DPYD: variants seen among roughly 807,000 people sequenced by gnomAD.
DPYD encodes dihydropyrimidine dehydrogenase.
DPYD carries 109 observed loss-of-function variants against 116.2 expected under a neutral mutation model. That is an observed-to-expected ratio of 0.94 (90% CI 0.80 to 1.10). DPYD has a LOEUF of 1.10. Among genes scored for constraint, DPYD ranks in the 50% least tolerant of loss-of-function variants. The probability of loss-of-function intolerance (pLI) is 0.00; values close to 1 mark genes in which losing one functional copy is unlikely to be tolerated. For synonymous variants in DPYD, 440 were observed against 432.0 expected, an observed-to-expected ratio of 1.02 and a Z score of -0.23; for missense variants, 1,302 against 1,254.5, an observed-to-expected ratio of 1.04 and a Z score of -0.57.
At chr1:97,891,609 G>A (rs946196609) in intron 1 of DPYD, among the ~76,000 whole-genome samples, 1 of 151,838 alleles carries the variant, frequency 6.6e-6, no homozygotes, top group Non-Finnish European at 1.5e-5. Context: ...TACATCTAAA[G>A]AGAGTTTTTC....
chr1:97,807,146 C>A (rs957035490), intron 3 of DPYD, among the ~76,000 whole-genome samples: 1 of 152,020 alleles, frequency 6.6e-6, no homozygotes, highest in Admixed American at 6.6e-5. Flanking sequence ...TTTGTGTGGA[C>A]ATAAGTTTTC....
chr1:97,529,097 C>T (rs1239865682), intron 12 of DPYD, among the ~76,000 whole-genome samples: 2 of 152,100 alleles, frequency 1.3e-5, no homozygotes, highest in Non-Finnish European at 2.9e-5. Context: ...GCTATTTTCT[C>T]TTTCTGATGT....
At position 97,189,568 on chromosome 1, in the gene DPYD, T is replaced by A. The variant is rs142566698; in HGVS notation, c.2622+3501A>T. Among the ~76,000 whole-genome samples, 276 of 152,312 alleles carry A rather than the reference T, an allele frequency of 1.8e-3. 2 individuals carry two copies. The highest frequency in any genetic ancestry group is 6.0e-3 in the African/African-American group (249 of 41,592). On this transcript the variant is annotated intron_variant, in intron 20 of 22. Transcript: ENST00000370192. ...ATGTCAACATAACTCTTATTTCCCA[T>A]AATTAAAAGTGCCAAATAGTAATGT...
At chr1:97,488,867 T>C (rs1418118586) in intron 13 of DPYD, among the ~76,000 whole-genome samples, 3 of 152,212 alleles carry the variant, frequency 2.0e-5, no homozygotes. Flanking sequence ...AAAGTGGGTA[T>C]AAATATGACT....
chr1:97,551,642 C>A (rs1651329258), intron 11 of DPYD, among the ~76,000 whole-genome samples: 1 of 151,962 alleles, frequency 6.6e-6, no homozygotes, highest in Non-Finnish European at 1.5e-5. Flanking sequence ...CAGCAATATC[C>A]TTGAAATTTA....
chr1:97,414,856 C>T (rs1037035238), intron 14 of DPYD, among the ~76,000 whole-genome samples: 4 of 152,232 alleles, frequency 2.6e-5, no homozygotes, highest in Non-Finnish European at 4.4e-5. Flanking sequence ...GCAGGGCCAG[C>T]TTCTTCCATC....
intron 14 of DPYD, among the ~76,000 whole-genome samples, chr1:97,437,681 GT>G (rs1675544716): frequency 6.6e-6 from 1 of 151,864 alleles, no homozygotes; most frequent in Non-Finnish European, 1.5e-5. Context: ...CTTTCAGTCT[GT>G]CATCTGTATT....
At chr1:97,153,436 G>T (rs923243409) in intron 20 of DPYD, among the ~76,000 whole-genome samples, 1 of 151,972 alleles carries the variant, frequency 6.6e-6, no homozygotes, top group Non-Finnish European at 1.5e-5. Context: ...TGGGATAATT[G>T]GCAAGCCACA....
chr1:97,150,859 T>A (rs903330035), intron 20 of DPYD, among the ~76,000 whole-genome samples: 1 of 152,226 alleles, frequency 6.6e-6, no homozygotes, highest in Non-Finnish European at 1.5e-5. Context: ...ATAGAATATA[T>A]TGCATCTTCC....
chr1:97,088,492 T>C (rs1557855767), intron 21 of DPYD, among the ~76,000 whole-genome samples: 1 of 152,324 alleles, frequency 6.6e-6, no homozygotes, highest in South Asian at 2.1e-4. Context: ...GATTTCCATC[T>C]GAAGTTTGCA....
intron 18 of DPYD, among the ~76,000 whole-genome samples, chr1:97,288,976 T>C (rs1330066717): frequency 6.6e-6 from 1 of 151,930 alleles, no homozygotes; most frequent in African/African-American, 2.4e-5. Context: ...AAGAATCAAA[T>C]AGATGCAATA....
intron 8 of DPYD, among the ~76,000 whole-genome samples, chr1:97,605,755 G>C (rs746812106): frequency 6.6e-6 from 1 of 152,012 alleles, no homozygotes; most frequent in Non-Finnish European, 1.5e-5. Context: ...TATCTCAATA[G>C]TATGATAATT....
chr1:97,580,538 A>G (rs1285949122), intron 10 of DPYD, among the ~76,000 whole-genome samples: 2 of 152,242 alleles, frequency 1.3e-5, no homozygotes, highest in Non-Finnish European at 2.9e-5. Flanking sequence ...AAAATCTCAT[A>G]GAAGCAGAAA....
chr1:97,179,814 A>G (rs1570614581), intron 20 of DPYD, among the ~76,000 whole-genome samples: 1 of 152,142 alleles, frequency 6.6e-6, no homozygotes, highest in Non-Finnish European at 1.5e-5. Context: ...GCTACCAATA[A>G]CATTGCTTTT....
chr1:97,353,370 G>A (rs182817187), intron 16 of DPYD, among the ~76,000 whole-genome samples: 3 of 152,132 alleles, frequency 2.0e-5, no homozygotes, highest in Non-Finnish European at 4.4e-5. Context: ...GCTGGATGGC[G>A]CTCTGCATAT....
chr1:97,561,119 GAAC>G (rs1652114760), intron 11 of DPYD, among the ~76,000 whole-genome samples: 1 of 152,142 alleles, frequency 6.6e-6, no homozygotes, highest in Non-Finnish European at 1.5e-5. Context: ...TGTAGATTTA[GAAC>G]AACAACAAAA....
At chr1:97,667,415 T>C (rs933851827) in intron 8 of DPYD, among the ~76,000 whole-genome samples, 2 of 152,142 alleles carry the variant, frequency 1.3e-5, no homozygotes, top group African/African-American at 4.8e-5. Flanking sequence ...CATATGTTTA[T>C]ATACTTAAAA....
At chr1:97,466,763 C>T (rs1677346979) in intron 13 of DPYD, among the ~76,000 whole-genome samples, 2 of 152,094 alleles carry the variant, frequency 1.3e-5, no homozygotes, top group Non-Finnish European at 2.9e-5. Flanking sequence ...ATATTAAAGG[C>T]CACCAGGCAT....
At chr1:97,388,305 T>C (rs1329231996) in intron 14 of DPYD, among the ~76,000 whole-genome samples, 1 of 152,092 alleles carries the variant, frequency 6.6e-6, no homozygotes, top group African/African-American at 2.4e-5. Flanking sequence ...AAGACATCAA[T>C]TGTGCCACTG....
Sources: gnomAD v4.1 joint callset for allele counts (sites outside exome capture counted in the v4.1 genomes callset) on GRCh38, gnomAD v4.1.1 for gene constraint, MANE v1.5 for transcripts, NCBI Gene and HGNC (gene_info 2026-07-23, HGNC 2026-07-21) for gene names.